HEPH: variants seen among roughly 807,000 people sequenced by gnomAD.
The protein encoded by HEPH is hephaestin.
Under a neutral mutation model 80.8 loss-of-function variants are expected in HEPH, and 69 were observed. The ratio of observed to expected loss-of-function variants is 0.85; its 90% CI spans 0.70 to 1.04. The LOEUF is 1.04. HEPH is among the 50% of genes least tolerant of loss of function. The pLI is 0.00. For missense variants in HEPH, 1,115 were observed against 891.3 expected, an observed-to-expected ratio of 1.25 and a Z score of -3.20; for synonymous variants, 431 against 322.8, an observed-to-expected ratio of 1.34 and a Z score of -3.60.
chrX:66,196,306 A>G (rs1237411024), intron 9 of HEPH, among the ~76,000 whole-genome samples: 4 of 111,509 alleles, frequency 3.6e-5, no homozygotes, highest in Non-Finnish European at 5.7e-5. Context: ...GTATATACAC[A>G]TAGAGTAGAT....
chrX:66,266,384 T>C, intron 20 of HEPH, 56 bp from the exon 21 acceptor site: 1 of 935,935 alleles, frequency 1.1e-6, no homozygotes, highest in South Asian at 2.1e-5. Flanking sequence ...TATAGATAGT[T>C]ACCTTTTAGA....
chrX:66,241,775 A>G (rs1029184441), intron 15 of HEPH, among the ~76,000 whole-genome samples: 4 of 111,597 alleles, frequency 3.6e-5, no homozygotes, highest in African/African-American at 1.3e-4. Flanking sequence ...AATAGCCACA[A>G]AAAGAATAAA....
rs2088275448 is a variant in HEPH at position 66,199,094 on chromosome X, A to G, written c.1864+66A>G. ...CAAGTAAAATCTAACTTTAACCGTA[A>G]TCATGACCAATCCTGAAAACACTGA... On this transcript the variant is annotated intron_variant, in intron 11 of 20. Coordinates refer to ENST00000343002, the MANE Select transcript of HEPH (RefSeq NM_001367233.3). The G allele has an allele frequency of 7.1e-5, 73 of 1,029,512 alleles. 2 individuals carry two copies. The South Asian group carries it at 1.5e-3, about 21-fold the overall frequency. The allele number at this position is 1,029,512 out of a possible 1,213,427, so 84.8% of individuals were successfully genotyped here. A position where few individuals can be genotyped will look rare whatever the true frequency, so the allele number is the denominator to read the frequency against.
At chrX:66,198,059 G>C (rs1366491456) in intron 10 of HEPH, among the ~76,000 whole-genome samples, 165 bp downstream of exon 10, 1 of 111,794 alleles carries the variant, frequency 8.9e-6, no homozygotes, top group East Asian at 2.8e-4. Context: ...ATACTATCTT[G>C]CATGTTATTT....
intron 15 of HEPH, among the ~76,000 whole-genome samples, chrX:66,241,266 C>T (rs780165954): frequency 9.0e-6 from 1 of 111,538 alleles, no homozygotes; most frequent in Admixed American, 9.5e-5. Flanking sequence ...TCAGTATTGG[C>T]CTTGAATGAA....
At chrX:66,266,103 G>C (rs1331217083) in intron 20 of HEPH, among the ~76,000 whole-genome samples, 1 of 109,026 alleles carries the variant, frequency 9.2e-6, no homozygotes, top group Middle Eastern at 4.2e-3. Flanking sequence ...ACCCTCTGAA[G>C]CCATACAGAA....
At chrX:66,166,841 G>A (rs1303091799) in intron 1 of HEPH, among the ~76,000 whole-genome samples, 1 of 111,915 alleles carries the variant, frequency 8.9e-6, no homozygotes, top group East Asian at 2.8e-4. Context: ...ATTCCTGTAT[G>A]CTTAGAATGT....
intron 1 of HEPH, among the ~76,000 whole-genome samples, chrX:66,168,373 G>T (rs761896720): frequency 8.9e-6 from 1 of 111,943 alleles, no homozygotes; most frequent in East Asian, 2.8e-4. Context: ...ATACTTGTCC[G>T]TTTCATGTAA....
chrX:66,200,834 A>G, intron 12 of HEPH, 82 bp downstream of exon 12: 4 of 759,784 alleles, frequency 5.3e-6, no homozygotes, highest in Non-Finnish European at 7.8e-6. Flanking sequence ...GGGATGGTGA[A>G]GAGAAAATAA....
At chrX:66,259,100 C>A in intron 18 of HEPH, 121 bp downstream of exon 18, 1 of 743,973 alleles carries the variant, frequency 1.3e-6, no homozygotes, top group Non-Finnish European at 1.8e-6. Context: ...AGGTCTAGTA[C>A]ATGGAGCACT....
intron 12 of HEPH, among the ~76,000 whole-genome samples, chrX:66,202,938 T>TATATATATAC (rs1419712201): frequency 1.0e-5 from 1 of 96,791 alleles, no homozygotes; most frequent in African/African-American, 3.9e-5. Context: ...TATATATATA[T>TATATATATAC]ACACACACAC....
At chrX:66,267,676 G>A (rs1177834451), downstream of HEPH, 1 of 111,642 alleles carries the variant, frequency 9.0e-6, no homozygotes, top group African/African-American at 3.3e-5. Context: ...TGTCCAGTGG[G>A]CCAGGGGAAG....
chrX:66,176,586 T>C (rs1446738149), intron 4 of HEPH, among the ~76,000 whole-genome samples: 3 of 111,554 alleles, frequency 2.7e-5, no homozygotes, highest in Non-Finnish European at 5.7e-5. Context: ...GCCATGTTGG[T>C]GCGCTGCACC....
intron 1 of HEPH, among the ~76,000 whole-genome samples, chrX:66,166,655 C>T (rs1294265944): frequency 8.9e-6 from 1 of 111,957 alleles, no homozygotes; most frequent in African/African-American, 3.2e-5. Context: ...AAATACTTAT[C>T]AGGTGCCTAC....
At chrX:66,176,649 CT>C (rs1433394949) in intron 4 of HEPH, among the ~76,000 whole-genome samples, 1 of 111,032 alleles carries the variant, frequency 9.0e-6, no homozygotes, top group African/African-American at 3.3e-5. Flanking sequence ...TCCCTCCCCC[CT>C]CTCCCCACCC....
rs768310329 is a variant in HEPH, at chrX:66,193,540, T to C, written c.1271T>C (p.Ile424Thr). ...TTTTTCCAGAAGAGCTCCAGCCGAA[T>C]TGGGGGCACTTACTGGAAAGTGCGA... ...DKFFQKSSSR[I>T]GGTYWKVRYE... Residue 424 changes from isoleucine (I) to threonine (T), a missense_variant, in exon 8 of 21, where the codon ATT (isoleucine) becomes ACT (threonine). Physicochemically the swap from Ile to Thr is moderately conservative, Grantham distance 89. Around this residue, in one of 3 missense-constraint regions of HEPH, gnomAD observed 391 missense variants for 343.6 expected, o/e 1.14. Coordinates refer to ENST00000343002, the MANE Select transcript of HEPH (RefSeq NM_001367233.3). 2.5e-6 allele frequency: 3 copies of C among 1,186,578 alleles called. No homozygotes were observed. The highest frequency in any genetic ancestry group is 3.4e-6 in the Non-Finnish European group (3 of 877,773).
chrX:66,212,328 A>G (rs1220457751), intron 15 of HEPH, among the ~76,000 whole-genome samples: 1 of 110,322 alleles, frequency 9.1e-6, no homozygotes, highest in Non-Finnish European at 1.9e-5. Context: ...TTGCTGTGCA[A>G]TAGCTATTTA....
At chrX:66,259,060 T>C in intron 18 of HEPH, 81 bp downstream of exon 18, 1 of 978,576 alleles carries the variant, frequency 1.0e-6, no homozygotes, top group Middle Eastern at 3.0e-4. Flanking sequence ...GGTAACAGTG[T>C]GGAACAGGTA....
At chrX:66,224,025 AG>A (rs1356791154) in intron 15 of HEPH, among the ~76,000 whole-genome samples, 1 of 110,478 alleles carries the variant, frequency 9.1e-6, no homozygotes, top group Non-Finnish European at 1.9e-5. Context: ...AATGTATTTC[AG>A]GATAAGAATT....
Sources: gnomAD v4.1 joint callset for allele counts (sites outside exome capture counted in the v4.1 genomes callset) on GRCh38, gnomAD v4.1.1 for gene constraint, gnomAD v4.1.1 regional missense constraint, MANE v1.5 for transcripts, NCBI Gene and HGNC (gene_info 2026-07-23, HGNC 2026-07-21) for gene names.